Variants in LMX1A observed in about 807,000 individuals in gnomAD.
The protein encoded by LMX1A is LIM homeobox transcription factor 1-alpha.
A neutral mutation model predicts 49.1 loss-of-function variants in LMX1A; 15 were observed. That is an observed-to-expected ratio of 0.31 (90% CI 0.20 to 0.47). LMX1A has a LOEUF of 0.47. Among genes scored for constraint, LMX1A ranks in the 20% least tolerant of loss-of-function variants. The pLI is 1.00. For missense variants in LMX1A, 372 were observed against 475.8 expected, an observed-to-expected ratio of 0.78 and a Z score of 2.03; for synonymous variants, 167 against 185.7, an observed-to-expected ratio of 0.90 and a Z score of 0.82.
At chr1:165,263,941 A>G (rs1026581107) in intron 3 of LMX1A, among the ~76,000 whole-genome samples, 1 of 152,194 alleles carries the variant, frequency 6.6e-6, no homozygotes, top group Admixed American at 6.5e-5. Context: ...TTATCAACAC[A>G]AGCTCCTGAT....
chr1:165,301,575 A>G (rs1654774871), intron 3 of LMX1A, among the ~76,000 whole-genome samples: 1 of 152,214 alleles, frequency 6.6e-6, no homozygotes, highest in South Asian at 2.1e-4. Flanking sequence ...GCAGCTTCCA[A>G]TCTGAGGAAA....
intron 3 of LMX1A, among the ~76,000 whole-genome samples, chr1:165,302,031 A>G (rs1031256656): frequency 2.0e-5 from 3 of 152,106 alleles, no homozygotes; most frequent in African/African-American, 7.2e-5. Context: ...GCTCAACCAC[A>G]ATTAAGTGAC....
intron 3 of LMX1A, among the ~76,000 whole-genome samples, chr1:165,348,164 G>A (rs910766942): frequency 2.0e-5 from 3 of 152,080 alleles, no homozygotes; most frequent in African/African-American, 7.2e-5. Flanking sequence ...TGTAAAACGA[G>A]ACTGAATAAA....
intron 3 of LMX1A, among the ~76,000 whole-genome samples, chr1:165,291,255 G>A (rs534983502): frequency 4.4e-4 from 67 of 152,310 alleles, no homozygotes; most frequent in African/African-American, 1.5e-3. Flanking sequence ...GAATACAAAA[G>A]GATATAACAC....
rs543883756 is a variant in LMX1A, at chr1:165,219,918, A to T, written c.497-6105T>A. 2.8e-4 allele frequency among the ~76,000 whole-genome samples: 43 copies of T among 152,338 alleles called. No homozygotes were observed. In the East Asian group the frequency reaches 7.9e-3, roughly 28 times the overall value. ...ATAATAACTGTGCAGAGGAGTTAAG[A>T]GAGGGGACTAGGGAAGGGTTCACAG... On this transcript the variant is annotated intron_variant, in intron 4 of 8. Transcript: ENST00000342310.
At chr1:165,246,481 A>G (rs1266609793) in intron 4 of LMX1A, among the ~76,000 whole-genome samples, 1 of 152,224 alleles carries the variant, frequency 6.6e-6, no homozygotes, top group East Asian at 1.9e-4. Context: ...CATCAATATT[A>G]CTTTCAATGA....
rs190219390 is a variant in LMX1A, at chr1:165,283,156, C to A, written c.264-33516G>T. Among the ~76,000 whole-genome samples the A allele has an allele frequency of 1.6e-3, 245 of 152,322 alleles. 1 individual carries two copies. The highest frequency in any genetic ancestry group is 6.3e-4 in the Non-Finnish European group (43 of 68,032). The stretch of plus-strand genomic sequence containing the variant: ...ATTATAATACCATATTTTTACTGTA[C>A]CTTTTCTATGTTTAGATATGCTTAG... On this transcript the variant is annotated intron_variant, in intron 3 of 8. Transcript: ENST00000342310.
At chr1:165,233,385 G>GT (rs1652306793) in intron 4 of LMX1A, among the ~76,000 whole-genome samples, 1 of 152,312 alleles carries the variant, frequency 6.6e-6, no homozygotes, top group Admixed American at 6.5e-5. Flanking sequence ...AGCCCAAGAG[G>GT]TTGAGACTGC....
chr1:165,283,177 C>G (rs1654203006), intron 3 of LMX1A, among the ~76,000 whole-genome samples: 1 of 152,184 alleles, frequency 6.6e-6, no homozygotes, highest in Non-Finnish European at 1.5e-5. Flanking sequence ...TTTAGATATG[C>G]TTAGATACAC....
intron 3 of LMX1A, among the ~76,000 whole-genome samples, chr1:165,293,511 A>T (rs1415052130): frequency 1.3e-5 from 2 of 152,246 alleles, no homozygotes; most frequent in Non-Finnish European, 2.9e-5. Context: ...CGGCATTCGA[A>T]CTAAAACTCA....
intron 3 of LMX1A, among the ~76,000 whole-genome samples, chr1:165,265,801 G>A (rs955082419): frequency 6.6e-6 from 1 of 152,080 alleles, no homozygotes; most frequent in African/African-American, 2.4e-5. Flanking sequence ...AGGAAAAGGG[G>A]TAGACAAAAC....
intron 4 of LMX1A, among the ~76,000 whole-genome samples, chr1:165,234,236 A>G (rs1453986333): frequency 2.0e-5 from 3 of 152,190 alleles, no homozygotes; most frequent in Admixed American, 6.5e-5. Context: ...CCTGCAACTC[A>G]GTACAGACTA....
chr1:165,291,932 C>T (rs1037498041), intron 3 of LMX1A, among the ~76,000 whole-genome samples: 3 of 151,878 alleles, frequency 2.0e-5, no homozygotes, highest in Non-Finnish European at 4.4e-5. Context: ...CATGGTGGCG[C>T]GCGCTTGTAG....
chr1:165,310,530 C>G (rs1557880488), intron 3 of LMX1A, among the ~76,000 whole-genome samples: 2 of 152,118 alleles, frequency 1.3e-5, no homozygotes, highest in Non-Finnish European at 2.9e-5. Context: ...ATCATTATAC[C>G]CCCTGACGAA....
chr1:165,351,436 T>A (rs182664043), intron 3 of LMX1A, among the ~76,000 whole-genome samples: 5 of 152,326 alleles, frequency 3.3e-5, no homozygotes, highest in Admixed American at 2.6e-4. Context: ...AAATTACACT[T>A]TTCACTCAGA....
chr1:165,247,388 A>T (rs148017632), intron 4 of LMX1A, among the ~76,000 whole-genome samples: 94 of 152,230 alleles, frequency 6.2e-4, no homozygotes, highest in African/African-American at 2.2e-3. Context: ...ACACAGCAAG[A>T]TACCTGGAGG....
chr1:165,345,858 T>C (rs1267127162), intron 3 of LMX1A, among the ~76,000 whole-genome samples: 1 of 152,206 alleles, frequency 6.6e-6, no homozygotes, highest in East Asian at 1.9e-4. Flanking sequence ...AGCAAGACTC[T>C]GTCGCTACTA....
intron 3 of LMX1A, among the ~76,000 whole-genome samples, chr1:165,316,063 A>G (rs988891985): frequency 6.6e-6 from 1 of 152,218 alleles, no homozygotes; most frequent in African/African-American, 2.4e-5. Flanking sequence ...ATGGGTGCAT[A>G]GACACCCCCT....
intron 3 of LMX1A, among the ~76,000 whole-genome samples, chr1:165,345,300 C>G (rs1490136859): frequency 6.6e-6 from 1 of 152,206 alleles, no homozygotes; most frequent in African/African-American, 2.4e-5. Flanking sequence ...AGAGAGGAAG[C>G]TGCTCCAAAG....
Sources: gnomAD v4.1 joint callset for allele counts (sites outside exome capture counted in the v4.1 genomes callset) on GRCh38, gnomAD v4.1.1 for gene constraint, MANE v1.5 for transcripts, NCBI Gene and HGNC (gene_info 2026-07-23, HGNC 2026-07-21) for gene names.